The following GAB1 variants were observed in gnomAD, a reference collection of about 807,000 sequenced individuals.
The protein encoded by GAB1 is GRB2 associated binding protein 1.
GAB1 carries 19 observed loss-of-function variants against 66.5 expected under a neutral mutation model. That is an observed-to-expected ratio of 0.29 (90% CI 0.20 to 0.42). GAB1 has a LOEUF of 0.42. Among genes scored for constraint, GAB1 ranks in the 10% least tolerant of loss-of-function variants. The pLI is 1.00. For synonymous variants in GAB1, 294 were observed against 301.4 expected (o/e 0.98, Z 0.25); for missense variants, 732 against 858.5 (o/e 0.85, Z 1.84).
intron 6 of GAB1, 145 bp from the exon 7 acceptor site, chr4:143,459,240 T>A: frequency 1.6e-6 from 1 of 623,498 alleles, no homozygotes. Context: ...TCATGTAACA[T>A]TCATGGACCT....
At chr4:143,467,173 C>T (rs542397837) in intron 9 of GAB1, among the ~76,000 whole-genome samples, 1 of 152,296 alleles carries the variant, frequency 6.6e-6, no homozygotes, top group African/African-American at 2.4e-5. Flanking sequence ...TCTTGATCAA[C>T]AATAATTTTC....
chr4:143,421,424 A>G (rs2149726497), intron 2 of GAB1, among the ~76,000 whole-genome samples: 1 of 152,260 alleles, frequency 6.6e-6, no homozygotes, highest in East Asian at 1.9e-4. Context: ...CATGAGTATA[A>G]TAACTGTGTT....
chr4:143,452,843 A>AT (rs1232214148), intron 6 of GAB1, among the ~76,000 whole-genome samples: 18 of 152,358 alleles, frequency 1.2e-4, no homozygotes, highest in Admixed American at 1.1e-3. Flanking sequence ...GGACTTAAAC[A>AT]TTCAGGCTCA....
chr4:143,406,670 T>C (rs1732061437), intron 1 of GAB1, among the ~76,000 whole-genome samples: 1 of 152,244 alleles, frequency 6.6e-6, no homozygotes, highest in Non-Finnish European at 1.5e-5. Context: ...TGAGATCCAG[T>C]GGACCCAAGG....
In GAB1 at chr4:143,367,065, T is replaced by C. The variant is rs539672268; in HGVS notation, c.72+29805T>C. Among the ~76,000 whole-genome samples, 195 of 152,342 alleles carry C rather than the reference T, an allele frequency of 1.3e-3. 1 individual carries two copies. Among genetic ancestry groups the C allele is most frequent in the Middle Eastern group, 0.01 (3 of 294 alleles). On this transcript the variant is annotated intron_variant, in intron 1 of 9. Transcript: ENST00000262994. ...TTTAGCTTGTGCTTTTTGTTACTTG[T>C]ATAATTGTCTCTCATTTCAGATTCT...
At chr4:143,430,133 T>C (rs1733574347) in intron 2 of GAB1, among the ~76,000 whole-genome samples, 1 of 152,190 alleles carries the variant, frequency 6.6e-6, no homozygotes, top group Non-Finnish European at 1.5e-5. Context: ...TCTCCCAAGT[T>C]ATCAGAAACC....
chr4:143,436,527 A>C (rs1194409040), intron 3 of GAB1, among the ~76,000 whole-genome samples: 4 of 150,948 alleles, frequency 2.6e-5, no homozygotes, highest in East Asian at 3.9e-4. Context: ...GAGTTCAGTC[A>C]TGTAGATCTC....
intron 2 of GAB1, chr4:143,424,904 A>G (rs1208962618): frequency 1.2e-5 from 6 of 519,776 alleles, no homozygotes; most frequent in Non-Finnish European, 2.1e-5. Context: ...GCAGTGAGCC[A>G]AGATTGTTTC....
At chr4:143,373,064 C>CACACACACACAT in intron 1 of GAB1, among the ~76,000 whole-genome samples, 1 of 152,196 alleles carries the variant, frequency 6.6e-6, no homozygotes, top group Non-Finnish European at 1.5e-5. Flanking sequence ...CACACACACA[C>CACACACACACAT]ACACACACAC....
chr4:143,349,895 T>C, intron 1 of GAB1: 1 of 1,553,672 alleles, frequency 6.4e-7, no homozygotes, highest in East Asian at 2.4e-5. Flanking sequence ...GATTCCTTAA[T>C]GGGCAGAGAG....
intron 1 of GAB1, among the ~76,000 whole-genome samples, chr4:143,393,342 C>G (rs1731279811): frequency 6.6e-6 from 1 of 151,782 alleles, no homozygotes; most frequent in Non-Finnish European, 1.5e-5. Flanking sequence ...TGTCCTCTGT[C>G]ATAGACAAAT....
At chr4:143,452,599 C>T (rs181140327) in intron 6 of GAB1, among the ~76,000 whole-genome samples, 2 of 152,230 alleles carry the variant, frequency 1.3e-5, no homozygotes, top group Non-Finnish European at 2.9e-5. Flanking sequence ...TGGGCAAATC[C>T]GTTGACTTTT....
intron 2 of GAB1, chr4:143,417,506 C>A: frequency 2.9e-6 from 1 of 344,372 alleles, no homozygotes. Flanking sequence ...CTCCCAGGTT[C>A]AAGCGATTCT....
chr4:143,358,785 C>T (rs1729545673), intron 1 of GAB1, among the ~76,000 whole-genome samples: 2 of 152,202 alleles, frequency 1.3e-5, no homozygotes, highest in South Asian at 4.1e-4. Context: ...TAAATATTGA[C>T]TTGTATGTTT....
chr4:143,355,555 A>G (rs943529920), intron 1 of GAB1, among the ~76,000 whole-genome samples: 1 of 152,162 alleles, frequency 6.6e-6, no homozygotes, highest in Admixed American at 6.5e-5. Flanking sequence ...TCACCGTTCA[A>G]TCTCAGTAGC....
At chr4:143,431,223 C>G (rs1427353987) in intron 2 of GAB1, among the ~76,000 whole-genome samples, 1 of 152,222 alleles carries the variant, frequency 6.6e-6, no homozygotes, top group South Asian at 2.1e-4. Flanking sequence ...CTTCTAAGGC[C>G]TAATAAACAG....
At chr4:143,342,186 A>G (rs1476846636) in intron 1 of GAB1, among the ~76,000 whole-genome samples, 1 of 151,838 alleles carries the variant, frequency 6.6e-6, no homozygotes, top group African/African-American at 2.4e-5. Context: ...AGAACTCTCC[A>G]CGTGCAACTT....
chr4:143,388,826 C>T (rs1731043053), intron 1 of GAB1, among the ~76,000 whole-genome samples: 2 of 152,180 alleles, frequency 1.3e-5, no homozygotes, highest in South Asian at 4.1e-4. Flanking sequence ...CTGTTTTCTT[C>T]AGACCTGAAG....
intron 6 of GAB1, among the ~76,000 whole-genome samples, chr4:143,457,453 T>C (rs919215435): frequency 6.6e-6 from 1 of 152,198 alleles, no homozygotes; most frequent in South Asian, 2.1e-4. Context: ...ACCTCCTTGC[T>C]GCTTACATTG....
Sources: allele counts gnomAD v4.1 joint callset (sites outside exome capture counted in the v4.1 genomes callset), GRCh38; gene constraint gnomAD v4.1.1; transcripts MANE v1.5; gene names NCBI Gene and HGNC (gene_info 2026-07-23, HGNC 2026-07-21).